Variants in NHSL2 observed in about 807,000 individuals in gnomAD.
NHSL2 encodes NHS-like protein 2.
A neutral mutation model predicts 53.4 loss-of-function variants in NHSL2; 27 were observed. That is an observed-to-expected ratio of 0.51 (90% CI 0.37 to 0.70). The LOEUF is 0.70. Ranked by LOEUF, NHSL2 falls within the 30% of genes least tolerant of loss-of-function variation. The pLI, the probability that NHSL2 is intolerant of heterozygous loss-of-function variation, is 0.00. For missense variants in NHSL2, 892 were observed against 980.1 expected (o/e 0.91, Z 1.20); for synonymous variants, 408 against 404.1 (o/e 1.01, Z -0.12).
chrX:72,087,081 A>T lies in NHSL2; in HGVS notation c.281-44998A>T, dbSNP rs1479468606. ...TGACCTGCAGTGAGACATTATTGAC[A>T]ATAGCTGAAAGGTGGAAACAACCCA... On this transcript the variant is annotated intron_variant, in intron 1 of 7. Transcript: ENST00000633930. Among the ~76,000 whole-genome samples, 4 of 112,011 alleles carry T rather than the reference A, an allele frequency of 3.6e-5. No homozygotes were observed. In the Admixed American group the frequency reaches 3.8e-4, roughly 11 times the overall value.
At chrX:72,030,264 G>A (rs1382107617) in intron 1 of NHSL2, among the ~76,000 whole-genome samples, 1 of 111,985 alleles carries the variant, frequency 8.9e-6, no homozygotes, top group Admixed American at 9.4e-5. Context: ...CCTTTGCCCC[G>A]TCCTGTGCAA....
At chrX:71,981,292 T>C (rs2041977227) in intron 1 of NHSL2, among the ~76,000 whole-genome samples, 1 of 112,595 alleles carries the variant, frequency 8.9e-6, no homozygotes, top group Admixed American at 9.4e-5. Context: ...CTCACGCCAG[T>C]AATCCCAGCA....
intron 1 of NHSL2, among the ~76,000 whole-genome samples, chrX:71,991,130 AG>A (rs1569469924): frequency 1.8e-5 from 2 of 112,867 alleles, no homozygotes; most frequent in Non-Finnish European, 3.7e-5. Flanking sequence ...TGTCTTCAAC[AG>A]GTGTCTCAAA....
chrX:71,979,945 G>T (rs1487035883), intron 1 of NHSL2, among the ~76,000 whole-genome samples: 1 of 111,891 alleles, frequency 8.9e-6, no homozygotes, highest in Non-Finnish European at 1.9e-5. Flanking sequence ...TGTATAAGGT[G>T]TAAGGAAAGG....
At position 72,033,310 on chromosome X, in the gene NHSL2, C is replaced by T. The variant is rs939047700; in HGVS notation, c.281-98769C>T. Among the ~76,000 whole-genome samples the T allele has an allele frequency of 4.4e-4, 48 of 108,839 alleles. No homozygotes were observed. In the Middle Eastern group the frequency reaches 0.019, roughly 43 times the overall value. 94.5% of individuals were successfully genotyped at this position (108,839 alleles called of 115,157 possible). On this transcript the variant is annotated intron_variant, in intron 1 of 7. Coordinates refer to ENST00000633930, the MANE Select transcript of NHSL2 (RefSeq NM_001013627.3). The stretch of plus-strand genomic sequence containing the variant: ...CAAGTGATTCTCCTCCGTCAGCCTT[C>T]CAGGTAGCTGGGGCTACAGGCGCAC...
At position 72,147,446 on chromosome X, in the gene NHSL2, CG is replaced by C. The variant is rs1221090206; in HGVS notation, c.*3877del. On this transcript the variant is annotated 3_prime_UTR_variant, in exon 8 of 8. Coordinates refer to ENST00000633930, the MANE Select transcript of NHSL2 (RefSeq NM_001013627.3). ...AAGTATAGTCCTTCTGATTTGGGGT[CG>C]GGGGTTAACTCCCTATCTCTTGTTG... The C allele has an allele frequency of 3.6e-5, 4 of 112,184 alleles. No individual in the cohort carries two copies. The highest frequency in any genetic ancestry group is 1.3e-4 in the African/African-American group (4 of 30,833). 9.2% of individuals were successfully genotyped at this position (112,184 alleles called of 1,213,427 possible).
At chrX:71,985,169 G>A (rs772782610) in intron 1 of NHSL2, among the ~76,000 whole-genome samples, 2 of 111,252 alleles carry the variant, frequency 1.8e-5, no homozygotes, top group South Asian at 7.7e-4. Context: ...TTTTAAAGCC[G>A]AGCCCAGCCA....
At chrX:72,111,267 A>T (rs952639912) in intron 1 of NHSL2, among the ~76,000 whole-genome samples, 3 of 112,553 alleles carry the variant, frequency 2.7e-5, no homozygotes, top group African/African-American at 9.7e-5. Flanking sequence ...GGCTGAGGCC[A>T]TAAAGGTTTA....
intron 1 of NHSL2, among the ~76,000 whole-genome samples, chrX:72,057,478 C>T (rs1410688945): frequency 8.9e-6 from 1 of 111,869 alleles, no homozygotes; most frequent in East Asian, 2.8e-4. Flanking sequence ...GTGCACATCT[C>T]GTTGATCACT....
intron 1 of NHSL2, chrX:72,130,152 G>A (rs1395086109): frequency 8.3e-7 from 1 of 1,210,768 alleles, no homozygotes; most frequent in South Asian, 1.8e-5. Context: ...GCTCATCTAG[G>A]TCATCATCTT....
chrX:71,928,570 A>C (rs1042345323), intron 1 of NHSL2, among the ~76,000 whole-genome samples: 1 of 111,631 alleles, frequency 9.0e-6, no homozygotes, highest in Admixed American at 9.5e-5. Flanking sequence ...GCAAGGAGGT[A>C]AGGCTGTGGA....
chrX:72,068,637 CGTAA>C (rs1309909273), intron 1 of NHSL2, among the ~76,000 whole-genome samples: 1 of 101,142 alleles, frequency 9.9e-6, no homozygotes, highest in African/African-American at 3.5e-5. Flanking sequence ...TGAGCGGCTG[CGTAA>C]GTGTGTCCGT....
Position 72,090,776 on chromosome X carries a change from T to A in NHSL2, c.281-41303T>A, listed in dbSNP as rs764056961. 1.0e-4 allele frequency among the ~76,000 whole-genome samples: 9 copies of A among 86,056 alleles called. No homozygotes were observed. In the East Asian group the frequency reaches 2.4e-3, roughly 23 times the overall value. 74.7% of individuals were successfully genotyped at this position (86,056 alleles called of 115,157 possible). ...GTGCATATACAAGTGTATGTGAGTG[T>A]GTGTGTGTGTGTGTGTGTGTGTGTG... On this transcript the variant is annotated intron_variant, in intron 1 of 7. Transcript: ENST00000633930.
At chrX:72,010,956 G>A (rs7055545) in intron 1 of NHSL2, among the ~76,000 whole-genome samples, 1,346 of 111,761 alleles carry the variant, frequency 0.012, 17 homozygotes, top group African/African-American at 0.042. Flanking sequence ...AACCCCTAGC[G>A]ACCACTCATC....
At chrX:71,970,614 T>C (rs963848749) in intron 1 of NHSL2, among the ~76,000 whole-genome samples, 2 of 84,427 alleles carry the variant, frequency 2.4e-5, no homozygotes, top group African/African-American at 3.5e-5. Flanking sequence ...TAGTTAAAGA[T>C]TTGTTAATTT....
rs185642816 is a variant in NHSL2 at position 71,945,653 on chromosome X, A to T, written c.280+34286A>T. 1.5e-3 allele frequency among the ~76,000 whole-genome samples: 163 copies of T among 111,844 alleles called. 1 individual carries two copies. The highest frequency in any genetic ancestry group is 0.012 in the South Asian group (32 of 2,702). ...CTCTCCTAAGAGTTTACTGAAGGAG[A>T]TTATTTTTGCTGGTTCAGGTTTTCC... On this transcript the variant is annotated intron_variant, in intron 1 of 7. Coordinates refer to ENST00000633930, the MANE Select transcript of NHSL2 (RefSeq NM_001013627.3).
Position 72,083,941 on chromosome X carries a change from C to T in NHSL2, c.281-48138C>T, listed in dbSNP as rs140598908. ...CTTACTCCCCCTGCCCACACACTGTCGTGCCTTCCAGCATGTTGCATCCTT... is the reference window on the plus strand; with the variant it reads ...CTTACTCCCCCTGCCCACACACTGTTGTGCCTTCCAGCATGTTGCATCCTT... On this transcript the variant is annotated intron_variant, in intron 1 of 7. Transcript: ENST00000633930. Among the ~76,000 whole-genome samples the T allele has an allele frequency of 6.2e-3, 689 of 112,026 alleles. 3 individuals carry two copies. The highest frequency in any genetic ancestry group is 0.021 in the African/African-American group (648 of 30,810).
Position 72,095,065 on chromosome X carries a change from T to C in NHSL2, c.281-37014T>C, listed in dbSNP as rs745328727. Among the ~76,000 whole-genome samples the C allele has an allele frequency of 8.9e-5, 10 of 112,187 alleles. No homozygotes were observed. In the South Asian group the frequency reaches 3.6e-3, roughly 41 times the overall value. On this transcript the variant is annotated intron_variant, in intron 1 of 7. Coordinates refer to ENST00000633930, the MANE Select transcript of NHSL2 (RefSeq NM_001013627.3). ...GTCTAAAACAGAAACCAGGAAGGGCTGTCTCTCAGTGCTTGGCCCCTGTTG... is the reference window on the plus strand; with the variant it reads ...GTCTAAAACAGAAACCAGGAAGGGCCGTCTCTCAGTGCTTGGCCCCTGTTG...
chrX:72,069,986 G>A (rs2042457665), intron 1 of NHSL2, among the ~76,000 whole-genome samples: 1 of 112,378 alleles, frequency 8.9e-6, no homozygotes, highest in East Asian at 2.8e-4. Context: ...CGGCAACCCT[G>A]TGTAGCCTCT....
Sources: allele counts gnomAD v4.1 joint callset (sites outside exome capture counted in the v4.1 genomes callset), GRCh38; gene constraint gnomAD v4.1.1; transcripts MANE v1.5; gene names NCBI Gene and HGNC (gene_info 2026-07-23, HGNC 2026-07-21).